The following KIF27 variants were observed in gnomAD, a reference collection of about 807,000 sequenced individuals.
The protein encoded by KIF27 is kinesin-like protein KIF27.
In KIF27, 84 loss-of-function variants were observed where a neutral mutation model predicts 141.8. The ratio of observed to expected loss-of-function variants is 0.59; its 90% CI spans 0.50 to 0.71. KIF27 has a LOEUF of 0.71. Ranked by LOEUF, KIF27 falls within the 30% of genes least tolerant of loss-of-function variation. KIF27 has a pLI of 0.00. For missense variants in KIF27, 1,306 were observed against 1,628.4 expected, an observed-to-expected ratio of 0.80 and a Z score of 3.41; for synonymous variants, 471 against 569.5, an observed-to-expected ratio of 0.83 and a Z score of 2.46.
At chr9:83,904,936 G>T (rs971578400) in intron 3 of KIF27, among the ~76,000 whole-genome samples, 4 of 151,338 alleles carry the variant, frequency 2.6e-5, no homozygotes, top group African/African-American at 9.7e-5. Flanking sequence ...TTAAAAACAG[G>T]TATCTGTTTA....
intron 5 of KIF27, chr9:83,899,043 C>A (rs1953570363): frequency 6.6e-6 from 1 of 152,100 alleles, no homozygotes; most frequent in African/African-American, 2.4e-5. Context: ...ACGTAAAAAT[C>A]AAAATCTGAT....
intron 8 of KIF27, 47 bp downstream of exon 8, chr9:83,888,442 G>A (rs765430451): frequency 2.0e-5 from 16 of 803,542 alleles, no homozygotes; most frequent in Non-Finnish European, 3.1e-5. Context: ...AAAAAGATAA[G>A]TGTCCTATAA....
At chr9:83,904,062 A>G in intron 3 of KIF27, 44 bp from the exon 4 acceptor site, 1 of 1,465,542 alleles carries the variant, frequency 6.8e-7, no homozygotes, top group Admixed American at 2.0e-5. Context: ...TTTTCATCAA[A>G]ACCTAGTATA....
chr9:83,896,508 T>C (rs1953275889), intron 5 of KIF27, among the ~76,000 whole-genome samples: 2 of 152,042 alleles, frequency 1.3e-5, no homozygotes, highest in African/African-American at 4.8e-5. Context: ...TAAAAAGAAA[T>C]CTATAAATTA....
At chr9:83,871,729 C>G (rs565448727) in intron 11 of KIF27, among the ~76,000 whole-genome samples, 115 of 151,480 alleles carry the variant, frequency 7.6e-4, no homozygotes, top group African/African-American at 2.6e-3. Flanking sequence ...CACTCTGTCA[C>G]CCAGGCTGGA....
At chr9:83,854,246 T>C (rs373995943) in intron 14 of KIF27, among the ~76,000 whole-genome samples, 15 of 152,226 alleles carry the variant, frequency 9.9e-5, no homozygotes, top group African/African-American at 3.6e-4. Flanking sequence ...CTAAAGTGCA[T>C]ATTGTGTGTC....
At chr9:83,914,259 T>C (rs1469020745) in intron 2 of KIF27, among the ~76,000 whole-genome samples, 23 of 151,256 alleles carry the variant, frequency 1.5e-4, no homozygotes, top group Admixed American at 2.0e-4. Flanking sequence ...CAATTTATAC[T>C]AGAAAAACTG....
At chr9:83,848,377 A>C (rs1948062455) in intron 16 of KIF27, among the ~76,000 whole-genome samples, 1 of 136,332 alleles carries the variant, frequency 7.3e-6, no homozygotes, top group South Asian at 2.2e-4. Flanking sequence ...ATCTACATAT[A>C]TCTATATATC....
intron 3 of KIF27, among the ~76,000 whole-genome samples, chr9:83,904,948 C>T (rs1325075560): frequency 6.6e-6 from 1 of 150,922 alleles, no homozygotes; most frequent in African/African-American, 2.4e-5. Context: ...ATCTGTTTAC[C>T]TTGCATCAGA....
At chr9:83,869,224 T>G (rs559905609) in intron 12 of KIF27, among the ~76,000 whole-genome samples, 17 of 152,278 alleles carry the variant, frequency 1.1e-4, no homozygotes, top group Admixed American at 9.2e-4. Flanking sequence ...GAATAAATCT[T>G]TCTAAAGTAA....
intron 13 of KIF27, among the ~76,000 whole-genome samples, chr9:83,862,527 G>C (rs1166302776): frequency 2.0e-5 from 3 of 151,240 alleles, no homozygotes; most frequent in South Asian, 2.1e-4. Context: ...CTGTTCCACT[G>C]GTCTATATCT....
chr9:83,861,415 T>G (rs1335512846), intron 13 of KIF27, among the ~76,000 whole-genome samples: 1 of 149,918 alleles, frequency 6.7e-6, no homozygotes, highest in Non-Finnish European at 1.5e-5. Context: ...CACCTATGAG[T>G]GAGAATATGC....
chr9:83,890,822 T>C (rs549006154), intron 6 of KIF27, among the ~76,000 whole-genome samples: 16 of 152,354 alleles, frequency 1.1e-4, no homozygotes, highest in Admixed American at 3.3e-4. Context: ...ACTGTGTGTG[T>C]ATATATTTAC....
chr9:83,912,384 G>C (rs902889468), intron 2 of KIF27, among the ~76,000 whole-genome samples: 1 of 152,198 alleles, frequency 6.6e-6, no homozygotes, highest in African/African-American at 2.4e-5. Flanking sequence ...CATGTGGCAA[G>C]TAAAGTTAAG....
intron 11 of KIF27, 75 bp from the exon 12 acceptor site, chr9:83,870,707 C>CTTTT (rs544179803): frequency 1.3e-4 from 158 of 1,261,046 alleles, no homozygotes; most frequent in East Asian, 4.3e-4. Flanking sequence ...CAATTATTTT[C>CTTTT]TTTTTTTTTT....
intron 12 of KIF27, among the ~76,000 whole-genome samples, chr9:83,869,659 G>A (rs1467438267): frequency 7.2e-5 from 11 of 152,090 alleles, no homozygotes; most frequent in African/African-American, 1.4e-4. Flanking sequence ...CCCGGGAGGC[G>A]GAGCTTGCAG....
At chr9:83,917,194 T>G (rs1046005515) in intron 1 of KIF27, among the ~76,000 whole-genome samples, 4 of 151,760 alleles carry the variant, frequency 2.6e-5, no homozygotes, top group Non-Finnish European at 5.9e-5. Context: ...AGAACACTCT[T>G]AAAAATAAAT....
intron 13 of KIF27, among the ~76,000 whole-genome samples, chr9:83,866,769 G>A (rs58248061): frequency 0.13 from 20,312 of 151,862 alleles, 1,447 homozygotes; most frequent in African/African-American, 0.14. Context: ...CGAGCTACTC[G>A]GGAGACTGAT....
At position 83,899,745 on chromosome 9, in the gene KIF27, C is replaced by T. The variant is rs753989724; in HGVS notation, c.1518G>A (p.Leu506=). ...FNQKELEVKE[L]KNQVQMMVQE... ...GTACCATCATCTGCACTTGATTCTT[C>T]AGTTCCTTCACCTCCAGTTCCTTCT... Residue 506 remains leucine, a synonymous_variant, in exon 5 of 18, where the codon CTG becomes CTA. Coordinates refer to ENST00000297814, the MANE Select transcript of KIF27 (RefSeq NM_017576.4). 1.2e-6 allele frequency: 2 copies of T among 1,613,556 alleles called. No homozygotes were observed. Among genetic ancestry groups the T allele is most frequent in the South Asian group, 2.2e-5 (2 of 91,054 alleles).
Sources: allele counts gnomAD v4.1 joint callset (sites outside exome capture counted in the v4.1 genomes callset), GRCh38; gene constraint gnomAD v4.1.1; transcripts MANE v1.5; gene names NCBI Gene and HGNC (gene_info 2026-07-23, HGNC 2026-07-21).